Variants in PREX2 observed in about 807,000 individuals in gnomAD.
PREX2 encodes the protein phosphatidylinositol-3,4,5-trisphosphate dependent Rac exchange factor 2, also known as phosphatidylinositol 3,4,5-trisphosphate-dependent Rac exchanger 2 protein.
A neutral mutation model predicts 203.2 loss-of-function variants in PREX2; 107 were observed. The ratio of observed to expected loss-of-function variants is 0.53; its 90% CI spans 0.45 to 0.62. The LOEUF (loss-of-function observed/expected upper bound fraction) is 0.62, where lower values mean the gene tolerates loss of function less well. Among genes scored for constraint, PREX2 ranks in the 20% least tolerant of loss-of-function variants. The probability of loss-of-function intolerance (pLI) is 0.00; values close to 1 mark genes in which losing one functional copy is unlikely to be tolerated. For missense variants in PREX2, 1,777 were observed against 1,955.9 expected, an observed-to-expected ratio of 0.91 and a Z score of 1.72; for synonymous variants, 672 against 663.6, an observed-to-expected ratio of 1.01 and a Z score of -0.19.
At chr8:68,100,268 AT>A (rs1409504141) in intron 23 of PREX2, 1 of 445,960 alleles carries the variant, frequency 2.2e-6, no homozygotes, top group Non-Finnish European at 4.4e-6. Flanking sequence ...TGATTAAGTC[AT>A]TCATTTGACA....
At chr8:68,045,935 A>G (rs761411890) in intron 8 of PREX2, among the ~76,000 whole-genome samples, 6 of 151,334 alleles carry the variant, frequency 4.0e-5, no homozygotes, top group Non-Finnish European at 5.9e-5. Context: ...GTTATCTAAC[A>G]TGCTAAGAGC....
At chr8:67,972,448 T>A (rs987499586) in intron 1 of PREX2, among the ~76,000 whole-genome samples, 1 of 152,244 alleles carries the variant, frequency 6.6e-6, no homozygotes, top group African/African-American at 2.4e-5. Flanking sequence ...CATCGTTGTA[T>A]TTACTGCTGA....
chr8:68,080,418 A>T, intron 15 of PREX2, 25 bp from the exon 16 acceptor site: 2 of 1,604,914 alleles, frequency 1.2e-6, no homozygotes, highest in Middle Eastern at 1.7e-4. Context: ...TAGCTGAAAT[A>T]ATTTGCATCT....
At chr8:68,059,473 G>A (rs376842334) in intron 10 of PREX2, among the ~76,000 whole-genome samples, 5 of 152,252 alleles carry the variant, frequency 3.3e-5, no homozygotes, top group East Asian at 3.9e-4. Context: ...CTGTGCTGGA[G>A]TATTCCTTAT....
chr8:67,964,100 T>G (rs781298060), intron 1 of PREX2, among the ~76,000 whole-genome samples: 2 of 152,212 alleles, frequency 1.3e-5, no homozygotes, highest in Non-Finnish European at 2.9e-5. Flanking sequence ...AGTAGGGTGT[T>G]GTCCTTTTCC....
At chr8:68,117,643 C>T (rs1810684244) in intron 26 of PREX2, among the ~76,000 whole-genome samples, 1 of 152,172 alleles carries the variant, frequency 6.6e-6, no homozygotes, top group Non-Finnish European at 1.5e-5. Flanking sequence ...TTAAGGACGT[C>T]CTTTTTACTT....
chr8:68,227,468 A>G (rs1000887744), intron 39 of PREX2, among the ~76,000 whole-genome samples: 3 of 152,214 alleles, frequency 2.0e-5, no homozygotes, highest in Admixed American at 6.5e-5. Context: ...ATCAATCCTC[A>G]TCCCTGGAGA....
chr8:68,182,047 G>A (rs1479735500), intron 35 of PREX2, among the ~76,000 whole-genome samples: 1 of 152,076 alleles, frequency 6.6e-6, no homozygotes, highest in Non-Finnish European at 1.5e-5. Flanking sequence ...AGGTGATGTG[G>A]AAGATGAGTC....
chr8:68,073,101 T>A (rs995719306), intron 14 of PREX2, among the ~76,000 whole-genome samples: 2 of 151,840 alleles, frequency 1.3e-5, no homozygotes, highest in African/African-American at 2.4e-5. Context: ...TGTCATTCGC[T>A]TATAAGTAAA....
intron 6 of PREX2, among the ~76,000 whole-genome samples, chr8:68,031,906 T>C (rs1346247532): frequency 3.3e-5 from 5 of 152,320 alleles, no homozygotes; most frequent in Middle Eastern, 3.4e-3. Context: ...CAGTGAAATG[T>C]GCCAGGCCTT....
chr8:68,118,474 A>C, intron 26 of PREX2, 76 bp from the exon 27 acceptor site: 1 of 874,140 alleles, frequency 1.1e-6, no homozygotes, highest in Non-Finnish European at 1.9e-6. Context: ...AACTGATATA[A>C]GTTTATGTCA....
At chr8:68,149,909 A>G (rs1811400997) in intron 34 of PREX2, among the ~76,000 whole-genome samples, 1 of 152,262 alleles carries the variant, frequency 6.6e-6, no homozygotes, top group African/African-American at 2.4e-5. Context: ...AGACTAATTC[A>G]TCTTACAAAT....
intron 8 of PREX2, among the ~76,000 whole-genome samples, chr8:68,046,984 G>A (rs901737491): frequency 2.0e-5 from 3 of 151,974 alleles, no homozygotes; most frequent in African/African-American, 7.2e-5. Flanking sequence ...TCGAAATGAG[G>A]CCAGGTTTAA....
intron 8 of PREX2, among the ~76,000 whole-genome samples, chr8:68,051,592 AG>A (rs1347360862): frequency 2.6e-5 from 4 of 152,266 alleles, no homozygotes; most frequent in Admixed American, 2.0e-4. Context: ...ATAGATATTA[AG>A]GAGGGATTGC....
chr8:68,115,843 AAGAAAC>A lies in PREX2; in HGVS notation c.3240_3245del (p.Arg1080_Asn1081del), dbSNP rs763094151. On this transcript the variant is annotated inframe_deletion, in exon 26 of 40. Coordinates refer to ENST00000288368, the MANE Select transcript of PREX2 (RefSeq NM_024870.4). ...CAGACAGTGACAATGAGAAGGGAGA[AAGAAAC>A]AGCAAACGGGTATGTTTTAATGTAG... The A allele has an allele frequency of 4.3e-6, 7 of 1,614,084 alleles. No individual in the cohort carries two copies. The highest frequency in any genetic ancestry group is 1.1e-5 in the South Asian group (1 of 91,076).
intron 38 of PREX2, among the ~76,000 whole-genome samples, chr8:68,224,137 G>C (rs1254385399): frequency 6.6e-6 from 1 of 152,004 alleles, no homozygotes; most frequent in Non-Finnish European, 1.5e-5. Context: ...TCCCACTTTA[G>C]CCTTTCGAGT....
chr8:67,993,412 CTT>C (rs72366669), intron 1 of PREX2, among the ~76,000 whole-genome samples: 2 of 132,738 alleles, frequency 1.5e-5, no homozygotes, highest in Non-Finnish European at 3.2e-5. Context: ...TTTTTTTTTT[CTT>C]TTTTTTTTTT....
intron 1 of PREX2, among the ~76,000 whole-genome samples, chr8:68,014,829 C>A (rs565413157): frequency 6.6e-6 from 1 of 152,150 alleles, no homozygotes. Context: ...ACATCAGAAT[C>A]GCATAGAGGT....
chr8:68,109,480 G>A lies in PREX2; in HGVS notation c.3003G>A (p.Leu1001=). The change falls in exon 25 of 40, where the codon CTG becomes CTA. Residue 1001 remains leucine, a synonymous_variant. Transcript: ENST00000288368. ...CAACCATGGCGGCCCCTTCAGGTCTGTCTCTGGGACAGCAGGATGGCCATG... is the reference window on the plus strand; with the variant it reads ...CAACCATGGCGGCCCCTTCAGGTCTATCTCTGGGACAGCAGGATGGCCATG... ...TITTMAAPSG[L]SLGQQDGHGL... is the part of the protein sequence containing the mutation. 7 of 1,614,072 alleles carry A rather than the reference G, an allele frequency of 4.3e-6. No individual in the cohort carries two copies. The highest frequency in any genetic ancestry group is 2.2e-5 in the South Asian group (2 of 91,074).
Sources: gnomAD v4.1 joint callset for allele counts (sites outside exome capture counted in the v4.1 genomes callset) on GRCh38, gnomAD v4.1.1 for gene constraint, MANE v1.5 for transcripts, NCBI Gene and HGNC (gene_info 2026-07-23, HGNC 2026-07-21) for gene names.